Variants in LYPD6B observed in about 807,000 individuals in gnomAD.
The protein encoded by LYPD6B is ly6/PLAUR domain-containing protein 6B.
A neutral mutation model predicts 22.8 loss-of-function variants in LYPD6B; 17 were observed. The observed-to-expected ratio is 0.75, with a 90% CI of 0.51 to 1.12. The LOEUF is 1.12. Ranked by LOEUF, LYPD6B falls within the 50% of genes most tolerant of loss-of-function variation. The pLI is 0.00. For synonymous variants in LYPD6B, 106 were observed against 91.6 expected, an observed-to-expected ratio of 1.16 and a Z score of -0.90; for missense variants, 221 against 258.3, an observed-to-expected ratio of 0.86 and a Z score of 0.99.
chr2:149,150,905 A>AT (rs977878774), intron 2 of LYPD6B, among the ~76,000 whole-genome samples: 3 of 85,046 alleles, frequency 3.5e-5, no homozygotes, highest in East Asian at 6.7e-4. Flanking sequence ...CCTTCTACTG[A>AT]TTTTTTTAAA....
intron 1 of LYPD6B, among the ~76,000 whole-genome samples, chr2:149,057,120 AAGT>A: frequency 6.6e-6 from 1 of 152,308 alleles, no homozygotes; most frequent in African/African-American, 2.4e-5. Context: ...GTTTTTTGAT[AAGT>A]CAATTCAGAC....
chr2:149,174,024 A>G lies in LYPD6B; in HGVS notation c.77+13189A>G, dbSNP rs575773824. On this transcript the variant is annotated intron_variant, in intron 3 of 6. Transcript: ENST00000409642. ...ACAATATTGATGCCTCCTTTCCATG[A>G]CCATGGAATGTTTTTCCATTTATTT... is the stretch of plus-strand genomic sequence containing the variant. Among the ~76,000 whole-genome samples, 19 of 152,286 alleles carry G rather than the reference A, an allele frequency of 1.2e-4. No homozygotes were observed. In the East Asian group the frequency reaches 3.5e-3, roughly 28 times the overall value.
At chr2:149,214,478 C>G (rs953716452) in intron 6 of LYPD6B, 68 bp from the exon 7 acceptor site, 2 of 1,515,998 alleles carry the variant, frequency 1.3e-6, no homozygotes, top group African/African-American at 1.4e-5. Flanking sequence ...TTTGTTTTAT[C>G]TTTCTTTCTT....
In LYPD6B at chr2:149,071,940, C is replaced by CT. The variant is rs370201272; in HGVS notation, c.-67+33148dup. ...CTCTCTTGAAAGTTGTTTTACCCCC[C>CT]TTTTTTTTTGAGACAGAGTCTTGCT... On this transcript the variant is annotated intron_variant, in intron 1 of 6. Transcript: ENST00000409642. Among the ~76,000 whole-genome samples, 12 of 151,080 alleles carry CT rather than the reference C, an allele frequency of 7.9e-5. No individual in the cohort carries two copies. In the East Asian group the frequency reaches 1.4e-3, roughly 17 times the overall value.
intron 1 of LYPD6B, among the ~76,000 whole-genome samples, chr2:149,051,707 C>T (rs539585874): frequency 2.0e-5 from 3 of 151,686 alleles, no homozygotes; most frequent in Admixed American, 6.6e-5. Context: ...ACTCTGTTGC[C>T]GAGACTGAAG....
rs1693445815 is a variant in LYPD6B, at chr2:149,205,385, T to C, written c.210T>C (p.Asn70=). ...TTGCCAAGAACATCAACTTCTATAA[T>C]GTGAGGCCTCCTCTCGACCGTAAGT... The part of the protein sequence containing the change: ...WAFAKNINFY[N]VRPPLDPTPF... The change falls in exon 4 of 7, where the codon AAT becomes AAC. Residue 70 remains asparagine, a synonymous_variant. Coordinates refer to ENST00000409642, the MANE Select transcript of LYPD6B (RefSeq NM_177964.5). 11 of 1,613,860 alleles carry C rather than the reference T, an allele frequency of 6.8e-6. No homozygotes were observed. In the South Asian group the frequency reaches 1.2e-4, roughly 18 times the overall value.
intron 3 of LYPD6B, among the ~76,000 whole-genome samples, chr2:149,192,279 C>A (rs533893475): frequency 6.6e-6 from 1 of 152,098 alleles, no homozygotes; most frequent in African/African-American, 2.4e-5. Context: ...ATTTACCTAA[C>A]GACATATTTT....
chr2:149,053,377 T>C (rs1434546438), intron 1 of LYPD6B, among the ~76,000 whole-genome samples: 1 of 152,214 alleles, frequency 6.6e-6, no homozygotes, highest in African/African-American at 2.4e-5. Context: ...TTCCAATATT[T>C]TGATACTATA....
intron 1 of LYPD6B, among the ~76,000 whole-genome samples, chr2:149,043,270 G>T (rs535608912): frequency 6.6e-6 from 1 of 152,246 alleles, no homozygotes; most frequent in Non-Finnish European, 1.5e-5. Context: ...GGACTTGTAT[G>T]AAATTTATCT....
chr2:149,157,636 G>A (rs229324), intron 2 of LYPD6B, among the ~76,000 whole-genome samples: 120,118 of 152,116 alleles, frequency 0.79, 47,682 homozygotes, highest in Non-Finnish European at 0.83. Context: ...TTGTGAACTC[G>A]GGTGTGCATT....
intron 2 of LYPD6B, among the ~76,000 whole-genome samples, chr2:149,137,392 A>G (rs1287012503): frequency 6.6e-6 from 1 of 152,172 alleles, no homozygotes; most frequent in Non-Finnish European, 1.5e-5. Flanking sequence ...ATTTAAGGGT[A>G]TATCTGGCTT....
At chr2:149,188,908 A>C (rs1482810277) in intron 3 of LYPD6B, among the ~76,000 whole-genome samples, 3 of 152,182 alleles carry the variant, frequency 2.0e-5, no homozygotes, top group Non-Finnish European at 2.9e-5. Context: ...AGGCACTGAG[A>C]GATTCAATAA....
intron 2 of LYPD6B, among the ~76,000 whole-genome samples, chr2:149,146,946 A>C (rs1689064430): frequency 6.6e-6 from 1 of 152,202 alleles, no homozygotes; most frequent in African/African-American, 2.4e-5. Flanking sequence ...GCACACATGG[A>C]AAGTCTAGAA....
At chr2:149,097,507 T>C (rs1685959567) in intron 1 of LYPD6B, among the ~76,000 whole-genome samples, 1 of 152,218 alleles carries the variant, frequency 6.6e-6, no homozygotes, top group South Asian at 2.1e-4. Context: ...GAGCATCCTG[T>C]ATTTTTATTT....
chr2:149,063,871 T>C (rs1442585582), intron 1 of LYPD6B, among the ~76,000 whole-genome samples: 1 of 152,220 alleles, frequency 6.6e-6, no homozygotes, highest in African/African-American at 2.4e-5. Flanking sequence ...CAAGTTTGAA[T>C]ATTTTAATTT....
chr2:149,126,939 T>C (rs1358139499), intron 1 of LYPD6B, among the ~76,000 whole-genome samples: 1 of 152,048 alleles, frequency 6.6e-6, no homozygotes. Flanking sequence ...GTCATTTTTT[T>C]TTTTTTCATA....
chr2:149,106,715 T>A (rs192083164), intron 1 of LYPD6B, among the ~76,000 whole-genome samples: 1 of 152,324 alleles, frequency 6.6e-6, no homozygotes, highest in African/African-American at 2.4e-5. Flanking sequence ...AAATGATTGA[T>A]CTCAAAGAAC....
At chr2:149,060,056 CA>C (rs1175993325) in intron 1 of LYPD6B, among the ~76,000 whole-genome samples, 1 of 152,064 alleles carries the variant, frequency 6.6e-6, no homozygotes, top group Admixed American at 6.6e-5. Flanking sequence ...GGAGTCAGGA[CA>C]GGATAATCAG....
chr2:149,105,556 C>A (rs1686431407), intron 1 of LYPD6B, among the ~76,000 whole-genome samples: 1 of 152,010 alleles, frequency 6.6e-6, no homozygotes, highest in Admixed American at 6.6e-5. Flanking sequence ...TTTCCATTTT[C>A]TGTGGTATTT....
Sources: gnomAD v4.1 joint callset for allele counts (sites outside exome capture counted in the v4.1 genomes callset) on GRCh38, gnomAD v4.1.1 for gene constraint, MANE v1.5 for transcripts, NCBI Gene and HGNC (gene_info 2026-07-23, HGNC 2026-07-21) for gene names.